The following MARCHF3 variants were observed in gnomAD, a reference collection of about 807,000 sequenced individuals.
The protein encoded by MARCHF3 is E3 ubiquitin-protein ligase MARCHF3.
MARCHF3 carries 13 observed loss-of-function variants against 24.2 expected under a neutral mutation model. That is an observed-to-expected ratio of 0.54 (90% CI 0.35 to 0.85). The LOEUF (loss-of-function observed/expected upper bound fraction) is 0.85, where lower values mean the gene tolerates loss of function less well. Among genes scored for constraint, MARCHF3 ranks in the 40% least tolerant of loss-of-function variants. The pLI, the probability that MARCHF3 is intolerant of heterozygous loss-of-function variation, is 0.01. For missense variants in MARCHF3, 276 were observed against 325.0 expected (o/e 0.85, Z 1.16); for synonymous variants, 144 against 137.3 (o/e 1.05, Z -0.34).
chr5:126,903,645 A>ATATG, intron 3 of MARCHF3, among the ~76,000 whole-genome samples: 1 of 152,032 alleles, frequency 6.6e-6, no homozygotes, highest in African/African-American at 2.4e-5. Context: ...GTATATATAT[A>ATATG]TAAAATCTCT....
intron 1 of MARCHF3, among the ~76,000 whole-genome samples, chr5:126,956,208 C>T (rs548301252): frequency 1.7e-3 from 263 of 152,186 alleles, no homozygotes; most frequent in Non-Finnish European, 3.0e-3. Context: ...CCATCTGTAC[C>T]GCAACCTAAC....
At chr5:127,024,052 A>G (rs1264323277) in intron 1 of MARCHF3, among the ~76,000 whole-genome samples, 1 of 152,222 alleles carries the variant, frequency 6.6e-6, no homozygotes, top group Non-Finnish European at 1.5e-5. Flanking sequence ...TATGGGAACA[A>G]AAGAGAAATC....
intron 1 of MARCHF3, among the ~76,000 whole-genome samples, chr5:127,014,970 A>G (rs1443448684): frequency 6.6e-6 from 1 of 152,196 alleles, no homozygotes; most frequent in African/African-American, 2.4e-5. Flanking sequence ...GCTACAAAAG[A>G]TATATTAAAT....
At chr5:126,938,054 A>G (rs1476836673) in intron 1 of MARCHF3, among the ~76,000 whole-genome samples, 1 of 152,150 alleles carries the variant, frequency 6.6e-6, no homozygotes, top group African/African-American at 2.4e-5. Flanking sequence ...TTTACAATAC[A>G]TAGTTGCAGC....
At chr5:126,920,929 AT>A (rs1256923701) in intron 1 of MARCHF3, among the ~76,000 whole-genome samples, 1 of 151,908 alleles carries the variant, frequency 6.6e-6, no homozygotes. Flanking sequence ...AGTTTATTCC[AT>A]TCGTAGTGGG....
chr5:126,948,765 G>A (rs1019963570), intron 1 of MARCHF3, among the ~76,000 whole-genome samples: 1 of 152,180 alleles, frequency 6.6e-6, no homozygotes, highest in Non-Finnish European at 1.5e-5. Context: ...GAACAACAGG[G>A]AACTAATAAC....
intron 3 of MARCHF3, among the ~76,000 whole-genome samples, chr5:126,892,567 C>T (rs1471790136): frequency 7.4e-5 from 11 of 148,494 alleles, no homozygotes; most frequent in African/African-American, 1.3e-4. Context: ...TTGTCTTTGG[C>T]TCTGTTTATA....
At chr5:126,886,137 T>C (rs1025259767) in intron 3 of MARCHF3, among the ~76,000 whole-genome samples, 1 of 152,108 alleles carries the variant, frequency 6.6e-6, no homozygotes, top group Non-Finnish European at 1.5e-5. Flanking sequence ...CTACCAGATA[T>C]TTGTACTGAA....
chr5:126,932,533 G>C (rs1749510928), intron 1 of MARCHF3, among the ~76,000 whole-genome samples: 1 of 152,208 alleles, frequency 6.6e-6, no homozygotes, highest in African/African-American at 2.4e-5. Flanking sequence ...ATCCTGGGCT[G>C]GGGAGGATGG....
chr5:126,873,904 A>C (rs971473502), intron 4 of MARCHF3, among the ~76,000 whole-genome samples: 1 of 152,242 alleles, frequency 6.6e-6, no homozygotes, highest in African/African-American at 2.4e-5. Flanking sequence ...ACTTCTCTAG[A>C]TGCTCCAAGA....
At chr5:127,025,848 G>A (rs1013630707) in intron 1 of MARCHF3, among the ~76,000 whole-genome samples, 15 of 152,208 alleles carry the variant, frequency 9.9e-5, no homozygotes, top group Admixed American at 2.6e-4. Flanking sequence ...AATGACTGTC[G>A]TATATTAGAG....
chr5:127,023,899 C>T (rs1187585807), intron 1 of MARCHF3, among the ~76,000 whole-genome samples: 1 of 152,176 alleles, frequency 6.6e-6, no homozygotes, highest in East Asian at 1.9e-4. Context: ...CCCTAAACCT[C>T]CCACAGCCAA....
chr5:126,934,873 G>A (rs1360139361), intron 1 of MARCHF3, among the ~76,000 whole-genome samples: 1 of 152,182 alleles, frequency 6.6e-6, no homozygotes, highest in Non-Finnish European at 1.5e-5. Flanking sequence ...CCCAGGTCCC[G>A]ATTTGCTGTG....
chr5:126,987,131 G>C (rs1257349984), intron 1 of MARCHF3, among the ~76,000 whole-genome samples: 2 of 152,096 alleles, frequency 1.3e-5, no homozygotes, highest in Non-Finnish European at 2.9e-5. Context: ...AGGCCATAAG[G>C]GCAAAAACTG....
At chr5:126,958,906 T>G (rs545670909) in intron 1 of MARCHF3, among the ~76,000 whole-genome samples, 17 of 152,242 alleles carry the variant, frequency 1.1e-4, no homozygotes, top group African/African-American at 3.6e-4. Flanking sequence ...ACGAAATAAG[T>G]GAAGTATTAT....
chr5:126,915,239 T>C, intron 2 of MARCHF3, 105 bp from the exon 3 acceptor site: 1 of 1,005,874 alleles, frequency 9.9e-7, no homozygotes, highest in East Asian at 2.8e-5. Flanking sequence ...AGGCAGCTGC[T>C]TTAAGACCTC....
intron 1 of MARCHF3, among the ~76,000 whole-genome samples, chr5:126,940,458 T>G (rs1463204878): frequency 6.6e-6 from 1 of 152,158 alleles, no homozygotes; most frequent in Non-Finnish European, 1.5e-5. Context: ...TTTTTCTGTT[T>G]GTTTTTTGAG....
chr5:126,989,542 G>A (rs1751680948), intron 1 of MARCHF3, among the ~76,000 whole-genome samples: 1 of 151,894 alleles, frequency 6.6e-6, no homozygotes. Context: ...TCTAAGTGCT[G>A]GTGCAATGTA....
chr5:127,023,733 AAAAT>A (rs147240868), intron 1 of MARCHF3, among the ~76,000 whole-genome samples: 19,338 of 141,238 alleles, frequency 0.14, 1,339 homozygotes, highest in African/African-American at 0.15. Flanking sequence ...TCTGTCTCAA[AAAAT>A]AAATAAATAA....
Sources: allele counts gnomAD v4.1 joint callset (sites outside exome capture counted in the v4.1 genomes callset), GRCh38; gene constraint gnomAD v4.1.1; transcripts MANE v1.5; gene names NCBI Gene and HGNC (gene_info 2026-07-23, HGNC 2026-07-21).